Variants in SLC35F6 observed in about 807,000 individuals in gnomAD.
The protein encoded by SLC35F6 is ANT2-binding protein.
A neutral mutation model predicts 29.4 loss-of-function variants in SLC35F6; 26 were observed. The ratio of observed to expected loss-of-function variants is 0.89; its 90% CI spans 0.65 to 1.23. The LOEUF (loss-of-function observed/expected upper bound fraction) is 1.23. Ranked by LOEUF, SLC35F6 falls within the 50% of genes most tolerant of loss-of-function variation. SLC35F6 has a pLI of 0.00. For missense variants in SLC35F6, 428 were observed against 487.8 expected, an observed-to-expected ratio of 0.88 and a Z score of 1.15; for synonymous variants, 174 against 206.6, an observed-to-expected ratio of 0.84 and a Z score of 1.35.
intron 1 of SLC35F6, among the ~76,000 whole-genome samples, chr2:26,766,277 G>C (rs1004082988): frequency 2.6e-5 from 4 of 152,216 alleles, no homozygotes; most frequent in African/African-American, 9.7e-5. Flanking sequence ...GCAGCTGCAT[G>C]CACCCCGATG....
intron 2 of SLC35F6, 143 bp from the exon 3 acceptor site, chr2:26,774,901 T>C (rs1261292388): frequency 1.0e-6 from 1 of 1,002,570 alleles, no homozygotes; most frequent in Non-Finnish European, 1.4e-6. Flanking sequence ...CTAGCCTCCA[T>C]GGCAGCTCTG....
At chr2:26,765,975 T>G (rs1664089860) in intron 1 of SLC35F6, among the ~76,000 whole-genome samples, 2 of 152,228 alleles carry the variant, frequency 1.3e-5, no homozygotes, top group South Asian at 4.1e-4. Flanking sequence ...CAGTTACTGC[T>G]GGGGTAAACT....
chr2:26,764,572 A>C, intron 1 of SLC35F6, 146 bp downstream of exon 1: 1 of 1,117,670 alleles, frequency 8.9e-7, no homozygotes, highest in Non-Finnish European at 1.3e-6. Context: ...CACCCAAGGG[A>C]TGCGAGGCCC....
At chr2:26,766,637 A>T (rs1266195309) in intron 1 of SLC35F6, among the ~76,000 whole-genome samples, 3 of 151,966 alleles carry the variant, frequency 2.0e-5, no homozygotes, top group Non-Finnish European at 4.4e-5. Flanking sequence ...TTGACCCACG[A>T]TTTCCAGCAG....
Position 26,775,622 on chromosome 2 carries a change from G to T in SLC35F6, c.481G>T (p.Ala161Ser), listed in dbSNP as rs1245283315. The T allele has an allele frequency of 6.2e-7, 1 of 1,603,954 alleles. No individual in the cohort carries two copies. The highest frequency in any genetic ancestry group is 1.1e-5 in the South Asian group (1 of 89,540). The part of the protein sequence containing the change: ...TIAGLVVVGL[A>S]DLLSKHDSQH... ...CGCGGGGCTGGTGGTCGTGGGCCTG[G>T]CTGACCTCCTGAGCAAGCACGACAG... The change falls in exon 4 of 6, where the codon GCT (alanine) becomes TCT (serine). Residue 161 changes from alanine to serine, a missense_variant. Physicochemically the swap from Ala to Ser is moderately conservative, Grantham distance 99 (BLOSUM62 1). Coordinates refer to ENST00000344420, the MANE Select transcript of SLC35F6 (RefSeq NM_017877.4). The surrounding 1 kb of genome is among the most constrained non-coding windows in gnomAD (Gnocchi z 4.6).
At chr2:26,771,933 G>T (rs1286916206) in intron 1 of SLC35F6, among the ~76,000 whole-genome samples, 1 of 152,132 alleles carries the variant, frequency 6.6e-6, no homozygotes, top group Non-Finnish European at 1.5e-5. Flanking sequence ...ACTGGTACTG[G>T]TTACAGCCTG....
At position 26,775,002 on chromosome 2, in the gene SLC35F6, A is replaced by G. The variant is rs755432663; in HGVS notation, c.151-42A>G. ...AAAATAGTTAAAGATGATCCCCGAG[A>G]TCCCTTCCAGCTCTGAAGTCCTCGG... On this transcript the variant is annotated intron_variant, in intron 2 of 5. Transcript: ENST00000344420. This position sits in a 1 kb window ranked among gnomAD's most constrained non-coding sequence, Gnocchi z 4.6. 1.3e-6 allele frequency: 2 copies of G among 1,567,828 alleles called. No individual in the cohort carries two copies. The highest frequency in any genetic ancestry group is 2.3e-5 in the South Asian group (2 of 85,688).
At chr2:26,772,283 G>T (rs1326951150) in intron 1 of SLC35F6, among the ~76,000 whole-genome samples, 1 of 152,190 alleles carries the variant, frequency 6.6e-6, no homozygotes, top group Non-Finnish European at 1.5e-5. Flanking sequence ...CGCCCTTTGG[G>T]AGCTGAGGCT....
In SLC35F6 at chr2:26,779,076, G is replaced by T. The variant is rs771352993; in HGVS notation, c.*565G>T. 6.6e-6 allele frequency: 1 copy of T among 152,522 alleles called. No homozygotes were observed. The highest frequency in any genetic ancestry group is 1.9e-4 in the East Asian group (1 of 5,194). The allele number at this position is 152,522 out of a possible 1,614,324, so 9.4% of individuals were successfully genotyped here. On this transcript the variant is annotated 3_prime_UTR_variant, in exon 6 of 6. Transcript: ENST00000344420. ...CTGCCTCAGCCTCCCGAGTAGCTGGGATTACAGGTGCATAACACACCTGGG... is the reference window on the plus strand; with the variant it reads ...CTGCCTCAGCCTCCCGAGTAGCTGGTATTACAGGTGCATAACACACCTGGG...
At chr2:26,771,755 C>T (rs1395094107) in intron 1 of SLC35F6, among the ~76,000 whole-genome samples, 15 of 151,952 alleles carry the variant, frequency 9.9e-5, no homozygotes, top group Non-Finnish European at 4.4e-5. Flanking sequence ...ATTGCTTGAG[C>T]CCAGGAGTTC....
At chr2:26,766,166 G>C (rs746456904) in intron 1 of SLC35F6, among the ~76,000 whole-genome samples, 15 of 152,072 alleles carry the variant, frequency 9.9e-5, no homozygotes, top group Non-Finnish European at 1.6e-4. Flanking sequence ...GGCCTCTCAG[G>C]ATCCTCCCAC....
At chr2:26,765,305 C>T (rs1483859338) in intron 1 of SLC35F6, among the ~76,000 whole-genome samples, 1 of 152,154 alleles carries the variant, frequency 6.6e-6, no homozygotes, top group Non-Finnish European at 1.5e-5. Context: ...GGGCAAGTGG[C>T]CAGTTCAGCT....
chr2:26,771,272 C>T (rs1336382222), intron 1 of SLC35F6, among the ~76,000 whole-genome samples: 3 of 152,320 alleles, frequency 2.0e-5, no homozygotes, highest in Admixed American at 6.5e-5. Flanking sequence ...GGAAGTAGGA[C>T]TCATGGAAAT....
chr2:26,769,004 G>A (rs558238424), intron 1 of SLC35F6, among the ~76,000 whole-genome samples: 74 of 152,126 alleles, frequency 4.9e-4, no homozygotes, highest in Non-Finnish European at 9.4e-4. Context: ...CAGGAGCCAG[G>A]GCCACCTGCT....
Position 26,775,028 on chromosome 2 carries a change from G to A in SLC35F6, c.151-16G>A. On this transcript the variant is annotated splice_polypyrimidine_tract_variant and intron_variant, in intron 2 of 5. Coordinates refer to ENST00000344420, the MANE Select transcript of SLC35F6 (RefSeq NM_017877.4). The surrounding 1 kb of genome is among the most constrained non-coding windows in gnomAD (Gnocchi z 4.6). ...TCCCTTCCAGCTCTGAAGTCCTCGG[G>A]TTTTCATCCCTGCAGGCAGTGGGCA... The A allele has an allele frequency of 6.2e-7, 1 of 1,607,094 alleles. No individual in the cohort carries two copies. The highest frequency in any genetic ancestry group is 8.5e-7 in the Non-Finnish European group (1 of 1,175,764).
At chr2:26,767,714 T>C (rs998398539) in intron 1 of SLC35F6, among the ~76,000 whole-genome samples, 5 of 152,186 alleles carry the variant, frequency 3.3e-5, no homozygotes, top group African/African-American at 1.2e-4. Flanking sequence ...GTTCTACATA[T>C]GAAGAGCCGG....
Position 26,773,683 on chromosome 2 carries a change from G to A in SLC35F6, c.78-568G>A, listed in dbSNP as rs974701594. 4.6e-5 allele frequency among the ~76,000 whole-genome samples: 7 copies of A among 150,732 alleles called. No individual in the cohort carries two copies. The South Asian group carries it at 6.3e-4, about 14-fold the overall frequency. On this transcript the variant is annotated intron_variant, in intron 1 of 5. Transcript: ENST00000344420. ...GCTGGAGTGCAGTGGTGCAATATCG[G>A]CTCACTGCAGCCTCTGTCCCCCAGG...
intron 1 of SLC35F6, among the ~76,000 whole-genome samples, chr2:26,765,337 G>T (rs982129297): frequency 2.1e-5 from 3 of 144,620 alleles, no homozygotes; most frequent in Non-Finnish European, 4.5e-5. Flanking sequence ...GGGTGAGAGG[G>T]GGGACAGTTC....
chr2:26,768,599 C>T (rs1000790107), intron 1 of SLC35F6, among the ~76,000 whole-genome samples: 2 of 151,476 alleles, frequency 1.3e-5, no homozygotes, highest in Non-Finnish European at 1.5e-5. Context: ...CTCCTGACCT[C>T]GCCCATCTCG....
Sources: gnomAD v4.1 joint callset for allele counts (sites outside exome capture counted in the v4.1 genomes callset) on GRCh38, gnomAD v4.1.1 for gene constraint, Gnocchi (gnomAD v3.1) non-coding constraint, MANE v1.5 for transcripts, NCBI Gene and HGNC (gene_info 2026-07-23, HGNC 2026-07-21) for gene names.